The following SHISAL1 variants were observed in gnomAD, a reference collection of about 807,000 sequenced individuals.
SHISAL1 encodes shisa like 1.
Under a neutral mutation model 22.6 loss-of-function variants are expected in SHISAL1, and 9 were observed. The observed-to-expected ratio is 0.40, with a 90% CI of 0.24 to 0.70. SHISAL1 has a LOEUF of 0.70. Among genes scored for constraint, SHISAL1 ranks in the 30% least tolerant of loss-of-function variants. SHISAL1 has a pLI of 0.39. For synonymous variants in SHISAL1, 119 were observed against 115.4 expected (o/e 1.03, Z -0.20); for missense variants, 246 against 270.6 (o/e 0.91, Z 0.64).
rs190677512 is a variant in SHISAL1 at position 44,297,826 on chromosome 22, G to A, written c.68-941C>T. On this transcript the variant is annotated intron_variant, in intron 2 of 4. Coordinates refer to ENST00000381176, the MANE Select transcript of SHISAL1 (RefSeq NM_001099294.2). ...ATTTGTATCACTGAAAAGGGGCTTC[G>A]CTGGCTGAATACATTCCTTTAACCA... Among the ~76,000 whole-genome samples, 15 of 152,374 alleles carry A rather than the reference G, an allele frequency of 9.8e-5. No individual in the cohort carries two copies. In the East Asian group the frequency reaches 2.7e-3, roughly 27 times the overall value.
chr22:44,287,183 A>C (rs910200170), intron 3 of SHISAL1, among the ~76,000 whole-genome samples: 13 of 152,180 alleles, frequency 8.5e-5, no homozygotes, highest in African/African-American at 3.1e-4. Flanking sequence ...GGAGGAGATG[A>C]GCATGAGGCC....
chr22:44,302,364 C>T (rs1048494498), intron 1 of SHISAL1, among the ~76,000 whole-genome samples: 8 of 145,684 alleles, frequency 5.5e-5, no homozygotes, highest in African/African-American at 1.0e-4. Context: ...AAAAAAGGAG[C>T]GGGGAGGAGT....
chr22:44,293,462 C>T (rs1054279376), intron 3 of SHISAL1, among the ~76,000 whole-genome samples: 2 of 152,170 alleles, frequency 1.3e-5, no homozygotes, highest in Non-Finnish European at 2.9e-5. Flanking sequence ...CGGGATGCGA[C>T]TAAACATCCC....
At chr22:44,269,419 A>G (rs2055189793) in intron 4 of SHISAL1, among the ~76,000 whole-genome samples, 1 of 144,494 alleles carries the variant, frequency 6.9e-6, no homozygotes, top group Non-Finnish European at 1.5e-5. Flanking sequence ...CACACACACC[A>G]TGCCACAGAC....
At chr22:44,318,517 T>C in the SHISAL1 span, among the ~76,000 whole-genome samples, 1 of 152,138 alleles carries the variant, frequency 6.6e-6, no homozygotes, top group Non-Finnish European at 1.5e-5. Context: ...CAGGCTGGCC[T>C]GGGGGAGGGA....
At chr22:44,253,847 T>C (rs1171673452) in intron 4 of SHISAL1, among the ~76,000 whole-genome samples, 1 of 152,022 alleles carries the variant, frequency 6.6e-6, no homozygotes, top group Admixed American at 6.6e-5. Context: ...TGTGTGTGTG[T>C]GTGTGTGTAA....
chr22:44,327,252 A>G, the SHISAL1 span, among the ~76,000 whole-genome samples: 179 of 104,650 alleles, frequency 1.7e-3, no homozygotes, highest in African/African-American at 4.9e-3. Context: ...ACACACACAC[A>G]CACACACACA....
At chr22:44,293,187 G>GC (rs1175255877) in intron 3 of SHISAL1, among the ~76,000 whole-genome samples, 1 of 152,128 alleles carries the variant, frequency 6.6e-6, no homozygotes, top group Non-Finnish European at 1.5e-5. Flanking sequence ...CAAGCACCAC[G>GC]CCCCCCTCCG....
intron 4 of SHISAL1, among the ~76,000 whole-genome samples, chr22:44,258,756 C>T (rs1415264837): frequency 6.6e-6 from 1 of 152,180 alleles, no homozygotes; most frequent in Admixed American, 6.5e-5. Context: ...AGAGGTCTTG[C>T]ACATATAATG....
rs367845704 is a variant in SHISAL1, at chr22:44,276,004, C to G, written c.599+9424G>C. Among the ~76,000 whole-genome samples the G allele has an allele frequency of 1.9e-3, 296 of 152,346 alleles. 2 individuals are homozygous for G. Among genetic ancestry groups the G allele is most frequent in the African/African-American group, 6.7e-3 (277 of 41,576 alleles). The stretch of plus-strand genomic sequence containing the variant: ...CCTGTTCTATGTGCTGGGGTCACAG[C>G]TGAGCACAAGAAACACCAATCCCAA... On this transcript the variant is annotated intron_variant, in intron 4 of 4. Coordinates refer to ENST00000381176, the MANE Select transcript of SHISAL1 (RefSeq NM_001099294.2).
At chr22:44,305,137 G>C (rs1036920234) in intron 1 of SHISAL1, among the ~76,000 whole-genome samples, 1 of 152,234 alleles carries the variant, frequency 6.6e-6, no homozygotes, top group African/African-American at 2.4e-5. Context: ...GATTTTATCA[G>C]CTGGAAAAAG....
In SHISAL1 at chr22:44,243,824, T is replaced by TTTCCCGGTTATCAGCTCTCAGGGA; in HGVS notation, c.*5837_*5860dup. On this transcript the variant is annotated 3_prime_UTR_variant, in exon 5 of 5. Transcript: ENST00000381176. Reference sequence around the variant, plus strand: ...TATTAGGAATATTATTGGTTTTGGTTTTCCCGGTTATCAGCTCTCAGGGAG... The same window carrying TTTCCCGGTTATCAGCTCTCAGGGA: ...TATTAGGAATATTATTGGTTTTGGTTTTCCCGGTTATCAGCTCTCAGGGATTCCCGGTTATCAGCTCTCAGGGAG... The TTTCCCGGTTATCAGCTCTCAGGGA allele has an allele frequency of 6.6e-6, 1 of 152,210 alleles. No homozygotes were observed. The highest frequency in any genetic ancestry group is 1.5e-5 in the Non-Finnish European group (1 of 68,046). 9.4% of individuals were successfully genotyped at this position (152,210 alleles called of 1,614,324 possible).
At chr22:44,254,585 C>T (rs1356484411) in intron 4 of SHISAL1, among the ~76,000 whole-genome samples, 5 of 152,174 alleles carry the variant, frequency 3.3e-5, no homozygotes, top group African/African-American at 1.2e-4. Context: ...TGATCTTGAT[C>T]TCCTGGCCTC....
At chr22:44,301,392 A>T (rs551228588) in intron 1 of SHISAL1, among the ~76,000 whole-genome samples, 5 of 151,654 alleles carry the variant, frequency 3.3e-5, no homozygotes, top group East Asian at 3.9e-4. Context: ...ACTTCCATGA[A>T]CCCCTCCACA....
intron 4 of SHISAL1, among the ~76,000 whole-genome samples, chr22:44,257,482 T>C (rs966775296): frequency 6.8e-6 from 1 of 146,038 alleles, no homozygotes; most frequent in African/African-American, 2.5e-5. Context: ...CACTTACACA[T>C]TGAGCCCTCT....
At chr22:44,323,754 A>G in the SHISAL1 span, among the ~76,000 whole-genome samples, 2 of 152,242 alleles carry the variant, frequency 1.3e-5, no homozygotes, top group African/African-American at 4.8e-5. Context: ...GATACTATCA[A>G]GCTAAACTAG....
rs2055004851 is a variant in SHISAL1 at position 44,246,784 on chromosome 22, A to G, written c.*2901T>C. 1 of 139,542 alleles carries G rather than the reference A, an allele frequency of 7.2e-6. No homozygotes were observed. Among genetic ancestry groups the G allele is most frequent in the South Asian group, 2.3e-4 (1 of 4,318 alleles). 8.6% of individuals were successfully genotyped at this position (139,542 alleles called of 1,614,324 possible). A position where few individuals can be genotyped will look rare whatever the true frequency, so the allele number is the denominator to read the frequency against. ...TACCTCACACACTTGACAGGTGAGA[A>G]GCAGAGGCTCTGAGAGGTTAAGTGG... On this transcript the variant is annotated 3_prime_UTR_variant, in exon 5 of 5. Transcript: ENST00000381176.
At chr22:44,272,285 T>G (rs2055211007) in intron 4 of SHISAL1, among the ~76,000 whole-genome samples, 1 of 152,212 alleles carries the variant, frequency 6.6e-6, no homozygotes, top group East Asian at 1.9e-4. Flanking sequence ...TCAAAATGAC[T>G]TCCAAAAACC....
chr22:44,266,450 G>T, intron 4 of SHISAL1, among the ~76,000 whole-genome samples: 2 of 141,234 alleles, frequency 1.4e-5, no homozygotes, highest in African/African-American at 5.6e-5. Context: ...GGTTGTGTGT[G>T]TGGGGCTGTG....
Sources: allele counts gnomAD v4.1 joint callset (sites outside exome capture counted in the v4.1 genomes callset), GRCh38; gene constraint gnomAD v4.1.1; transcripts MANE v1.5; gene names NCBI Gene and HGNC (gene_info 2026-07-23, HGNC 2026-07-21).